Variants in CSMD1 observed in about 807,000 individuals in gnomAD.
The protein encoded by CSMD1 is CUB and Sushi multiple domains 1.
In CSMD1, 213 loss-of-function variants were observed where a neutral mutation model predicts 417.5. The observed-to-expected ratio is 0.51, with a 90% CI of 0.46 to 0.57. The LOEUF (loss-of-function observed/expected upper bound fraction) is 0.57. CSMD1 is among the 20% of genes least tolerant of loss of function. The pLI, the probability that CSMD1 is intolerant of heterozygous loss-of-function variation, is 0.00. For synonymous variants in CSMD1, 2,862 were observed against 1,736.8 expected, an observed-to-expected ratio of 1.65 and a Z score of -16.11; for missense variants, 6,923 against 4,529.7, an observed-to-expected ratio of 1.53 and a Z score of -15.17.
At chr8:4,982,065 T>C (rs534997279) in intron 1 of CSMD1, among the ~76,000 whole-genome samples, 3 of 152,172 alleles carry the variant, frequency 2.0e-5, no homozygotes, top group South Asian at 4.2e-4. Flanking sequence ...TGCCCAACTA[T>C]CTTAGAAGTG....
intron 3 of CSMD1, among the ~76,000 whole-genome samples, chr8:4,162,398 A>T (rs1359649112): frequency 6.6e-6 from 1 of 152,158 alleles, no homozygotes; most frequent in African/African-American, 2.4e-5. Context: ...CTTGACAGTA[A>T]ATCTTTGAGG....
chr8:3,609,810 CCTTT>C (rs1286806004), intron 8 of CSMD1, among the ~76,000 whole-genome samples: 1 of 86,310 alleles, frequency 1.2e-5, no homozygotes, highest in Non-Finnish European at 2.5e-5. Flanking sequence ...AAGTATCTTC[CCTTT>C]TTTTTTTTTT....
intron 12 of CSMD1, among the ~76,000 whole-genome samples, chr8:3,448,382 A>AGGGAGGGAGGAG (rs1322312149): frequency 3.0e-5 from 1 of 33,626 alleles, no homozygotes; most frequent in Non-Finnish European, 6.1e-5. Flanking sequence ...AGGGAGGGGG[A>AGGGAGGGAGGAG]GGAGGGAGGA....
At chr8:3,301,985 A>T (rs1020722542) in intron 25 of CSMD1, among the ~76,000 whole-genome samples, 4 of 152,154 alleles carry the variant, frequency 2.6e-5, no homozygotes, top group Non-Finnish European at 4.4e-5. Context: ...TAATTTATCA[A>T]AAGAATTCCA....
intron 5 of CSMD1, among the ~76,000 whole-genome samples, chr8:3,829,192 C>T (rs1179492460): frequency 1.3e-5 from 2 of 152,192 alleles, no homozygotes; most frequent in African/African-American, 4.8e-5. Context: ...TTCACTTTTC[C>T]CCCAAGTCCT....
At chr8:4,126,394 G>T (rs1034233014) in intron 3 of CSMD1, among the ~76,000 whole-genome samples, 1 of 152,138 alleles carries the variant, frequency 6.6e-6, no homozygotes, top group Non-Finnish European at 1.5e-5. Flanking sequence ...CACCAGAATG[G>T]TGCCAAACAC....
chr8:3,301,995 A>G (rs1207481110), intron 25 of CSMD1, among the ~76,000 whole-genome samples: 1 of 152,184 alleles, frequency 6.6e-6, no homozygotes, highest in African/African-American at 2.4e-5. Context: ...AAAGAATTCC[A>G]TGAGCTGTAC....
At chr8:3,847,813 C>T (rs1803612135) in intron 5 of CSMD1, among the ~76,000 whole-genome samples, 1 of 152,168 alleles carries the variant, frequency 6.6e-6, no homozygotes, top group South Asian at 2.1e-4. Flanking sequence ...AATAATTGCA[C>T]ATCAAACCTC....
intron 10 of CSMD1, among the ~76,000 whole-genome samples, chr8:3,550,333 A>C (rs1012490905): frequency 1.3e-5 from 2 of 152,138 alleles, no homozygotes; most frequent in African/African-American, 4.8e-5. Flanking sequence ...TGGACACAGC[A>C]AACTCATTCC....
At chr8:3,057,854 T>A (rs1352109220) in intron 49 of CSMD1, among the ~76,000 whole-genome samples, 2 of 152,194 alleles carry the variant, frequency 1.3e-5, no homozygotes, top group Admixed American at 1.3e-4. Flanking sequence ...TCATTTTCAG[T>A]TTAAAAATTT....
chr8:3,945,453 C>G (rs1811160614), intron 5 of CSMD1, among the ~76,000 whole-genome samples: 1 of 152,052 alleles, frequency 6.6e-6, no homozygotes, highest in East Asian at 1.9e-4. Flanking sequence ...AACTGCTAAT[C>G]TTTTCAATTG....
intron 2 of CSMD1, among the ~76,000 whole-genome samples, chr8:4,457,381 G>C (rs1365439279): frequency 2.0e-5 from 3 of 152,098 alleles, no homozygotes; most frequent in African/African-American, 7.2e-5. Flanking sequence ...GGCTTCCCGA[G>C]GTCTGGAACA....
intron 26 of CSMD1, among the ~76,000 whole-genome samples, chr8:3,258,737 T>C (rs1415596995): frequency 1.3e-5 from 2 of 152,294 alleles, no homozygotes; most frequent in Admixed American, 6.5e-5. Flanking sequence ...ATGGTACATA[T>C]ACACCATGGA....
intron 10 of CSMD1, among the ~76,000 whole-genome samples, chr8:3,501,951 C>T (rs1316383816): frequency 6.6e-6 from 1 of 152,136 alleles, no homozygotes; most frequent in Non-Finnish European, 1.5e-5. Flanking sequence ...CAAAAGAACA[C>T]ATACAACAAT....
chr8:4,646,670 A>G (rs1302567535), intron 1 of CSMD1, among the ~76,000 whole-genome samples: 2 of 152,194 alleles, frequency 1.3e-5, no homozygotes. Flanking sequence ...GGCATATTTT[A>G]AAATTGTAAT....
intron 23 of CSMD1, among the ~76,000 whole-genome samples, chr8:3,337,202 C>T (rs568727542): frequency 1.3e-4 from 20 of 152,258 alleles, no homozygotes; most frequent in Non-Finnish European, 2.8e-4. Context: ...CCCCATCTTC[C>T]GTCTCCTTAC....
intron 2 of CSMD1, among the ~76,000 whole-genome samples, chr8:4,439,540 A>G (rs1210461942): frequency 6.6e-6 from 1 of 152,130 alleles, no homozygotes; most frequent in African/African-American, 2.4e-5. Context: ...GAAAATGTAT[A>G]TTTGAAGTAT....
At chr8:3,093,126 G>A (rs1011191105) in intron 47 of CSMD1, among the ~76,000 whole-genome samples, 11 of 151,930 alleles carry the variant, frequency 7.2e-5, no homozygotes, top group African/African-American at 2.4e-4. Context: ...TAACCCTCTG[G>A]GCTTGGAAAT....
At chr8:3,049,335 T>C (rs1373521352) in intron 50 of CSMD1, among the ~76,000 whole-genome samples, 2 of 152,154 alleles carry the variant, frequency 1.3e-5, no homozygotes, top group African/African-American at 2.4e-5. Context: ...GCAACCCAGA[T>C]GTTGTCTGTA....
Sources: allele counts gnomAD v4.1 joint callset (sites outside exome capture counted in the v4.1 genomes callset), GRCh38; gene constraint gnomAD v4.1.1; transcripts MANE v1.5; gene names NCBI Gene and HGNC (gene_info 2026-07-23, HGNC 2026-07-21).